ZNF217: variants seen among roughly 807,000 people sequenced by gnomAD.
ZNF217 encodes zinc finger protein 217.
Under a neutral mutation model 73.3 loss-of-function variants are expected in ZNF217, and 12 were observed. That is an observed-to-expected ratio of 0.16 (90% CI 0.10 to 0.27). The LOEUF (loss-of-function observed/expected upper bound fraction) is 0.27. Ranked by LOEUF, ZNF217 falls within the 10% of genes least tolerant of loss-of-function variation. ZNF217 has a pLI of 1.00. For synonymous variants in ZNF217, 588 were observed against 516.4 expected, an observed-to-expected ratio of 1.14 and a Z score of -1.88; for missense variants, 1,195 against 1,327.8, an observed-to-expected ratio of 0.90 and a Z score of 1.55.
chr20:53,591,522 T>C (rs998203379), intron 1 of ZNF217, among the ~76,000 whole-genome samples: 1 of 152,230 alleles, frequency 6.6e-6, no homozygotes, highest in African/African-American at 2.4e-5. Flanking sequence ...TTACTGCCTC[T>C]TGAATTTAAA....
At chr20:53,583,252 G>A (rs1041651464) in intron 1 of ZNF217, 84 bp from the exon 2 acceptor site, 9 of 400,150 alleles carry the variant, frequency 2.2e-5, no homozygotes, top group African/African-American at 4.1e-5. Flanking sequence ...TCTTTTCCAC[G>A]CAGCAGAGAA....
At chr20:53,597,192 G>C (rs907383382), upstream of ZNF217, among the ~76,000 whole-genome samples, 1 of 151,994 alleles carries the variant, frequency 6.6e-6, no homozygotes, top group Non-Finnish European at 1.5e-5. Flanking sequence ...GAATGAGGTA[G>C]GATCTTCTTA....
Position 53,582,581 on chromosome 20 carries a change from T to A in ZNF217, c.246A>T (p.Lys82Asn). 1 of 1,614,142 alleles carries A rather than the reference T, an allele frequency of 6.2e-7. No individual in the cohort carries two copies. The highest frequency in any genetic ancestry group is 2.2e-5 in the East Asian group (1 of 44,890). Residue 82 changes from lysine (K) to asparagine (N), a missense_variant, in exon 2 of 6, where the codon AAA becomes AAT. Lys to Asn is a moderately conservative substitution (Grantham distance 94). Coordinates refer to ENST00000371471, the MANE Select transcript of ZNF217 (RefSeq NM_006526.3). The surrounding 1 kb of genome is among the most constrained non-coding windows in gnomAD (Gnocchi z 4.8). ...QTFTHSEDLN[K>N]HVLMQHRPTL... ...TAGGCCGGTGTTGCATTAAGACATG[T>A]TTATTAAGGTCTTCTGAATGTGTGA...
chr20:53,585,446 G>C (rs1854039), intron 1 of ZNF217, among the ~76,000 whole-genome samples: 10 of 151,918 alleles, frequency 6.6e-5, no homozygotes, highest in Non-Finnish European at 2.9e-5. Flanking sequence ...TGTAATCCCA[G>C]CTATTTGGGA....
intron 2 of ZNF217, among the ~76,000 whole-genome samples, chr20:53,579,436 T>C (rs1568685286): frequency 1.3e-5 from 2 of 152,192 alleles, no homozygotes. Context: ...GATAGTACAA[T>C]ATGATAAATC....
At chr20:53,590,589 G>A (rs1330914114) in intron 1 of ZNF217, among the ~76,000 whole-genome samples, 2 of 152,056 alleles carry the variant, frequency 1.3e-5, no homozygotes, top group Non-Finnish European at 2.9e-5. Context: ...TCATGTTTGT[G>A]ACAACTGTGA....
rs1988533965 is a variant in ZNF217, at chr20:53,582,125, G to A, written c.702C>T (p.His234=). 6.2e-7 allele frequency: 1 copy of A among 1,614,240 alleles called. No homozygotes were observed. The highest frequency in any genetic ancestry group is 2.2e-5 in the East Asian group (1 of 44,884). Residue 234 remains histidine, a synonymous_variant, in exon 2 of 6, where the codon CAC becomes CAT. Transcript: ENST00000371471. The surrounding 1 kb of genome is among the most constrained non-coding windows in gnomAD (Gnocchi z 4.8). ...LFPNKESLIE[H]RKVHTKKTAF... ...CAGTTTTTTTGGTGTGCACCTTGCG[G>A]TGCTCAATTAGACTTTCTTTATTTG...
chr20:53,596,450 A>G (rs1237963192), upstream of ZNF217, among the ~76,000 whole-genome samples: 2 of 152,158 alleles, frequency 1.3e-5, no homozygotes, highest in Non-Finnish European at 2.9e-5. Flanking sequence ...CTGGGTTGCA[A>G]ATACATACTG....
intron 1 of ZNF217, among the ~76,000 whole-genome samples, chr20:53,592,854 AAAG>A (rs1988929797): frequency 6.6e-6 from 1 of 151,426 alleles, no homozygotes; most frequent in Admixed American, 6.6e-5. Context: ...AAAAAAAAGA[AAAG>A]AAAAAAAAAA....
rs1345914418 is a variant in ZNF217 at position 53,568,707 on chromosome 20, T to C, written c.*581A>G. ...TCCATTAACAATTTTAAGACAACAA[T>C]AGATTTGGGTGGATTCAACATAATA... On this transcript the variant is annotated 3_prime_UTR_variant, in exon 6 of 6. Transcript: ENST00000371471. 6.6e-6 allele frequency: 1 copy of C among 151,860 alleles called. No individual in the cohort carries two copies. Among genetic ancestry groups the C allele is most frequent in the Non-Finnish European group, 1.5e-5 (1 of 68,142 alleles). The allele number at this position is 151,860 out of a possible 1,614,324, so 9.4% of individuals were successfully genotyped here.
chr20:53,594,744 C>G (rs540228233), upstream of ZNF217, among the ~76,000 whole-genome samples: 3 of 152,258 alleles, frequency 2.0e-5, no homozygotes, highest in South Asian at 2.1e-4. Context: ...GGCCCGCGGC[C>G]CGAACCCCTG....
chr20:53,582,913 G>T lies in ZNF217; in HGVS notation c.-87C>A. ...TCACTCACCCCTCTAACAGCCCTGG[G>T]TTCCAAAAACCAGAGCAAATATTTA... On this transcript the variant is annotated 5_prime_UTR_variant, in exon 2 of 6. Transcript: ENST00000371471. The surrounding 1 kb of genome is among the most constrained non-coding windows in gnomAD (Gnocchi z 4.8). The T allele has an allele frequency of 7.1e-7, 1 of 1,411,778 alleles. No individual in the cohort carries two copies. Among genetic ancestry groups the T allele is most frequent in the Non-Finnish European group, 9.6e-7 (1 of 1,040,502 alleles). 87.5% of individuals were successfully genotyped at this position (1,411,778 alleles called of 1,614,324 possible). A position where few individuals can be genotyped will look rare whatever the true frequency, so the allele number is the denominator to read the frequency against.
In ZNF217 at chr20:53,568,768, C is replaced by T. The variant is rs1044507505; in HGVS notation, c.*520G>A. On this transcript the variant is annotated 3_prime_UTR_variant, in exon 6 of 6. Transcript: ENST00000371471. ...GACAGTTTAAAAAAAAAAAAACATA[C>T]ATTTTAAATGAAAGAGCACAATAGC... 1.3e-5 allele frequency: 2 copies of T among 151,542 alleles called. No homozygotes were observed. Among genetic ancestry groups the T allele is most frequent in the Admixed American group, 6.6e-5 (1 of 15,202 alleles). 9.4% of individuals were successfully genotyped at this position (151,542 alleles called of 1,614,324 possible).
chr20:53,584,469 A>T (rs1399697316), intron 1 of ZNF217, among the ~76,000 whole-genome samples: 1 of 152,238 alleles, frequency 6.6e-6, no homozygotes, highest in Non-Finnish European at 1.5e-5. Context: ...AGCTTTTCTA[A>T]ATAAGACTGC....
In ZNF217 at chr20:53,571,654, G is replaced by A. The variant is rs1974060; in HGVS notation, c.*23+67C>T. The A allele has an allele frequency of 3.4e-4, 518 of 1,528,468 alleles. 2 individuals carry two copies. The East Asian group carries it at 0.01, about 30-fold the overall frequency. 94.7% of individuals were successfully genotyped at this position (1,528,468 alleles called of 1,614,324 possible). On this transcript the variant is annotated intron_variant, in intron 5 of 5. Transcript: ENST00000371471. ...ATGCTCGATCTCAGGTGATCCGCCC[G>A]CCCTGACCTCCCAAATGGCCACCGC...
chr20:53,595,407 AAAAG>A (rs1342828821), upstream of ZNF217, among the ~76,000 whole-genome samples: 1 of 152,250 alleles, frequency 6.6e-6, no homozygotes, highest in Non-Finnish European at 1.5e-5. Flanking sequence ...TTCCTAAATC[AAAAG>A]AAAGAACGCA....
intron 3 of ZNF217, among the ~76,000 whole-genome samples, chr20:53,577,773 G>A (rs895043640): frequency 5.9e-5 from 9 of 152,270 alleles, no homozygotes; most frequent in African/African-American, 1.7e-4. Flanking sequence ...AATAAGATAA[G>A]AGTCAGGACA....
chr20:53,589,219 G>A (rs1053917719), intron 1 of ZNF217, among the ~76,000 whole-genome samples: 3 of 152,224 alleles, frequency 2.0e-5, no homozygotes, highest in African/African-American at 4.8e-5. Context: ...GTACAGTCAT[G>A]TGGAGGTCAG....
intron 1 of ZNF217, among the ~76,000 whole-genome samples, chr20:53,587,864 CAA>C (rs1372631459): frequency 6.7e-6 from 1 of 149,674 alleles, no homozygotes; most frequent in Non-Finnish European, 1.5e-5. Context: ...TACTAACAAT[CAA>C]AAAGCTACAG....
Sources: allele counts gnomAD v4.1 joint callset (sites outside exome capture counted in the v4.1 genomes callset), GRCh38; gene constraint gnomAD v4.1.1; non-coding constraint Gnocchi (gnomAD v3.1); transcripts MANE v1.5; gene names NCBI Gene and HGNC (gene_info 2026-07-23, HGNC 2026-07-21).